Variants in TEX11 observed in about 807,000 individuals in gnomAD.
The protein encoded by TEX11 is testis expressed 11.
In TEX11, 7 loss-of-function variants were observed where a neutral mutation model predicts 84.4. That is an observed-to-expected ratio of 0.08 (90% CI 0.05 to 0.16). The LOEUF is 0.16. TEX11 is among the 10% of genes least tolerant of loss of function. TEX11 has a pLI of 1.00. For synonymous variants in TEX11, 264 were observed against 222.8 expected (o/e 1.18, Z -1.64); for missense variants, 551 against 660.5 (o/e 0.83, Z 1.82).
chrX:70,895,104 C>T (rs2091759896), intron 2 of TEX11, among the ~76,000 whole-genome samples: 2 of 111,382 alleles, frequency 1.8e-5, no homozygotes, highest in Admixed American at 1.9e-4. Flanking sequence ...TCTCTGTTTG[C>T]AGATGACATG....
intron 25 of TEX11, among the ~76,000 whole-genome samples, chrX:70,582,738 AT>A (rs1342010443): frequency 1.0e-4 from 5 of 49,824 alleles, no homozygotes; most frequent in Non-Finnish European, 1.5e-4. Flanking sequence ...TTATTTATTT[AT>A]TTATTTATTT....
At chrX:70,584,054 T>C (rs928050506) in intron 25 of TEX11, among the ~76,000 whole-genome samples, 1 of 100,716 alleles carries the variant, frequency 9.9e-6, no homozygotes, top group African/African-American at 3.7e-5. Context: ...CCGAGGCGGG[T>C]GGATCATGAG....
intron 8 of TEX11, among the ~76,000 whole-genome samples, chrX:70,825,162 A>C (rs1359564473): frequency 4.6e-5 from 5 of 109,756 alleles, no homozygotes; most frequent in Non-Finnish European, 9.5e-5. Context: ...AAATACAAAA[A>C]TTAGCTGGGC....
chrX:70,526,851 A>G (rs921086959), downstream of TEX11, among the ~76,000 whole-genome samples: 7 of 111,333 alleles, frequency 6.3e-5, no homozygotes, highest in Non-Finnish European at 9.4e-5. Flanking sequence ...GTACAAGATA[A>G]GCTCTGGTGC....
rs1411971320 is a variant in TEX11, at chrX:70,529,174, T to C, written c.2699A>G (p.Tyr900Cys). ...ACTCAATGCTTCCACAAGCTGACTATACAGCATATTCATCTGGGAAAGAGA... is the reference window on the plus strand; with the variant it reads ...ACTCAATGCTTCCACAAGCTGACTACACAGCATATTCATCTGGGAAAGAGA... ...ESYETQMNML[Y>C]SQLVEALSNN... Residue 900 changes from tyrosine to cysteine, a missense_variant, in exon 30 of 30, where the codon TAT (tyrosine) becomes TGT (cysteine). Coordinates refer to ENST00000374333, the MANE Select transcript of TEX11 (RefSeq NM_031276.3). 4 of 1,201,891 alleles carry C rather than the reference T, an allele frequency of 3.3e-6. No homozygotes were observed. Among genetic ancestry groups the C allele is most frequent in the Non-Finnish European group, 4.5e-6 (4 of 888,076 alleles).
intron 8 of TEX11, among the ~76,000 whole-genome samples, chrX:70,818,383 G>C (rs765266102): frequency 9.0e-6 from 1 of 111,369 alleles, no homozygotes; most frequent in Non-Finnish European, 1.9e-5. Flanking sequence ...GAAAACAGTA[G>C]GAAGAACAGA....
At chrX:70,618,352 T>A (rs1157557841) in intron 20 of TEX11, among the ~76,000 whole-genome samples, 1 of 111,477 alleles carries the variant, frequency 9.0e-6, no homozygotes, top group Non-Finnish European at 1.9e-5. Context: ...AATCAACAAG[T>A]GGATATCTCT....
intron 28 of TEX11, among the ~76,000 whole-genome samples, chrX:70,551,614 G>A (rs1265756336): frequency 1.8e-5 from 2 of 111,481 alleles, no homozygotes; most frequent in Admixed American, 9.6e-5. Context: ...TAAATTTACT[G>A]AATTGTGCAC....
intron 25 of TEX11, among the ~76,000 whole-genome samples, chrX:70,582,283 T>C (rs2088786882): frequency 8.9e-6 from 1 of 111,839 alleles, no homozygotes. Flanking sequence ...CTTAGTATTA[T>C]AATAAAAATA....
rs773709173 is a variant in TEX11, at chrX:70,553,371, G to C, written c.2334C>G (p.Leu778=). The change falls in exon 27 of 30, where the codon CTC becomes CTG. Residue 778 remains leucine (L), a synonymous_variant. Transcript: ENST00000374333. ...GCAATAAAGCCTTTTTCAAGGCCTTGAGAGCAATCAAAGGATAGTGTGCAG... is the reference window on the plus strand; with the variant it reads ...GCAATAAAGCCTTTTTCAAGGCCTTCAGAGCAATCAAAGGATAGTGTGCAG... ...EKPAHYPLIA[L]KALKKALLLY... is the part of the protein sequence containing the mutation. 5 of 1,208,443 alleles carry C rather than the reference G, an allele frequency of 4.1e-6. No homozygotes were observed. Among genetic ancestry groups the C allele is most frequent in the Non-Finnish European group, 5.6e-6 (5 of 893,644 alleles).
rs933778027 is a variant in TEX11, at chrX:70,575,378, G to A, written c.2140+16373C>T. Among the ~76,000 whole-genome samples, 7 of 112,020 alleles carry A rather than the reference G, an allele frequency of 6.2e-5. No individual in the cohort carries two copies. In the Admixed American group the frequency reaches 6.7e-4, roughly 11 times the overall value. On this transcript the variant is annotated intron_variant, in intron 25 of 29. Coordinates refer to ENST00000374333, the MANE Select transcript of TEX11 (RefSeq NM_031276.3). Reference sequence around the variant, plus strand: ...TGAAACTTAATGGCCAATGTGATAGGATAAGAGGTGGAACCTTTAATAGCT... The same window carrying A: ...TGAAACTTAATGGCCAATGTGATAGAATAAGAGGTGGAACCTTTAATAGCT...
intron 17 of TEX11, among the ~76,000 whole-genome samples, chrX:70,648,083 A>G (rs1052776755): frequency 3.6e-4 from 40 of 112,151 alleles, no homozygotes; most frequent in Non-Finnish European, 6.8e-4. Flanking sequence ...TTATGCAGCC[A>G]TAAAAAATGA....
intron 17 of TEX11, among the ~76,000 whole-genome samples, chrX:70,645,166 A>T (rs1304205913): frequency 9.0e-6 from 1 of 110,759 alleles, no homozygotes; most frequent in Non-Finnish European, 1.9e-5. Context: ...TCCATCTAAG[A>T]AAAGCTCAGG....
chrX:70,870,798 T>C (rs2091625748), intron 4 of TEX11, among the ~76,000 whole-genome samples: 1 of 112,234 alleles, frequency 8.9e-6, no homozygotes, highest in Non-Finnish European at 1.9e-5. Context: ...TCCTGAGACA[T>C]TTTTTCAAAT....
intron 28 of TEX11, among the ~76,000 whole-genome samples, chrX:70,541,745 G>A (rs757712567): frequency 2.1e-3 from 233 of 112,069 alleles, no homozygotes; most frequent in Non-Finnish European, 3.7e-3. Flanking sequence ...GTGACAGAGC[G>A]AGACTCTGTC....
chrX:70,631,714 C>T (rs1293395789), intron 17 of TEX11, among the ~76,000 whole-genome samples: 1 of 76,163 alleles, frequency 1.3e-5, no homozygotes, highest in Non-Finnish European at 2.5e-5. Flanking sequence ...GTTTCAAAGC[C>T]TAACGTCATG....
intron 11 of TEX11, among the ~76,000 whole-genome samples, chrX:70,735,332 G>A (rs1407559135): frequency 1.8e-5 from 2 of 111,907 alleles, no homozygotes; most frequent in Non-Finnish European, 3.8e-5. Flanking sequence ...GATTACAGGT[G>A]TGAGCCACAG....
At chrX:70,719,255 T>C (rs909364765) in intron 13 of TEX11, among the ~76,000 whole-genome samples, 1 of 112,331 alleles carries the variant, frequency 8.9e-6, no homozygotes, top group Non-Finnish European at 1.9e-5. Context: ...TGAAGTTTTT[T>C]ATCTTTAAAA....
intron 22 of TEX11, among the ~76,000 whole-genome samples, chrX:70,608,058 T>C (rs1349134622): frequency 8.9e-6 from 1 of 112,070 alleles, no homozygotes; most frequent in Non-Finnish European, 1.9e-5. Context: ...CTTATCACTG[T>C]AGTAACTGCC....
Sources: allele counts gnomAD v4.1 joint callset (sites outside exome capture counted in the v4.1 genomes callset), GRCh38; gene constraint gnomAD v4.1.1; transcripts MANE v1.5; gene names NCBI Gene and HGNC (gene_info 2026-07-23, HGNC 2026-07-21).